Variants in SMYD3 observed in about 807,000 individuals in gnomAD.
SMYD3 encodes SET and MYND domain containing 3.
SMYD3 carries 36 observed loss-of-function variants against 57.7 expected under a neutral mutation model. The observed-to-expected ratio is 0.62, with a 90% CI of 0.48 to 0.82. The LOEUF (loss-of-function observed/expected upper bound fraction) is 0.82. Ranked by LOEUF, SMYD3 falls within the 40% of genes least tolerant of loss-of-function variation. The pLI, the probability that SMYD3 is intolerant of heterozygous loss-of-function variation, is 0.00. For synonymous variants in SMYD3, 211 were observed against 195.0 expected, an observed-to-expected ratio of 1.08 and a Z score of -0.68; for missense variants, 515 against 538.8, an observed-to-expected ratio of 0.96 and a Z score of 0.44.
intron 8 of SMYD3, among the ~76,000 whole-genome samples, chr1:245,871,208 T>G (rs1313397768): frequency 3.9e-5 from 6 of 152,230 alleles, no homozygotes; most frequent in Admixed American, 3.3e-4. Flanking sequence ...TTGGAAAGTC[T>G]TGAAATTAAA....
chr1:246,308,141 G>A (rs1240752648), intron 5 of SMYD3, among the ~76,000 whole-genome samples: 1 of 152,146 alleles, frequency 6.6e-6, no homozygotes, highest in Non-Finnish European at 1.5e-5. Context: ...TTTACAAAAA[G>A]AAGGCAGCAC....
chr1:245,908,796 T>C (rs1206958605), intron 8 of SMYD3, among the ~76,000 whole-genome samples: 2 of 152,140 alleles, frequency 1.3e-5, no homozygotes, highest in African/African-American at 2.4e-5. Context: ...TATCAAAATG[T>C]ATGGGTTACA....
intron 1 of SMYD3, among the ~76,000 whole-genome samples, chr1:246,472,853 C>A (rs989229994): frequency 9.7e-6 from 1 of 102,928 alleles, no homozygotes; most frequent in South Asian, 3.3e-4. Context: ...TCTCAAATTT[C>A]TTTTTTTTTT....
rs1453783238 is a variant in SMYD3, at chr1:246,203,185, C to G, written c.531+124016G>C. ...TTAAGAACTTTCTCCAGTTTCCTTCCCTGGTCCACAGCAAATCCCTCTGAC... is the reference window on the plus strand; with the variant it reads ...TTAAGAACTTTCTCCAGTTTCCTTCGCTGGTCCACAGCAAATCCCTCTGAC... On this transcript the variant is annotated intron_variant, in intron 5 of 11. Coordinates refer to ENST00000490107, the MANE Select transcript of SMYD3 (RefSeq NM_001167740.2). This position sits in a 1 kb window ranked among gnomAD's most constrained non-coding sequence, Gnocchi z 4.6. 6.6e-6 allele frequency among the ~76,000 whole-genome samples: 1 copy of G among 152,122 alleles called. No individual in the cohort carries two copies. Among genetic ancestry groups the G allele is most frequent in the Non-Finnish European group, 1.5e-5 (1 of 68,014 alleles).
intron 10 of SMYD3, among the ~76,000 whole-genome samples, chr1:245,839,735 A>C (rs997997351): frequency 2.0e-5 from 3 of 152,216 alleles, no homozygotes; most frequent in Non-Finnish European, 4.4e-5. Flanking sequence ...ATATGAACGG[A>C]CAACCAAGAA....
intron 1 of SMYD3, among the ~76,000 whole-genome samples, chr1:246,404,919 T>C (rs1558447963): frequency 6.6e-6 from 1 of 152,132 alleles, no homozygotes; most frequent in Non-Finnish European, 1.5e-5. Context: ...TCTTATTATA[T>C]TGACTCATAA....
chr1:246,015,064 C>T (rs1294212874), intron 5 of SMYD3, among the ~76,000 whole-genome samples: 1 of 152,124 alleles, frequency 6.6e-6, no homozygotes, highest in Non-Finnish European at 1.5e-5. Context: ...GTTCTTCAAG[C>T]CCACTGAATT....
chr1:246,168,913 C>A (rs1480482704), intron 5 of SMYD3, among the ~76,000 whole-genome samples: 1 of 152,188 alleles, frequency 6.6e-6, no homozygotes, highest in Admixed American at 6.5e-5. Context: ...CTATCCCATA[C>A]TTGAAAAACA....
At chr1:246,258,358 C>A (rs1018706904) in intron 5 of SMYD3, among the ~76,000 whole-genome samples, 1 of 152,126 alleles carries the variant, frequency 6.6e-6, no homozygotes, top group Admixed American at 6.6e-5. Context: ...TACAGCAATG[C>A]AAGAGCACAC....
At chr1:245,928,517 C>CA (rs35302405) in intron 6 of SMYD3, among the ~76,000 whole-genome samples, 125,480 of 151,410 alleles carry the variant, frequency 0.83, 52,774 homozygotes, top group Middle Eastern at 0.91. Flanking sequence ...ACTAAAAATA[C>CA]AAAAAAATTA....
intron 5 of SMYD3, among the ~76,000 whole-genome samples, chr1:246,288,471 C>T (rs986225835): frequency 6.6e-5 from 10 of 152,088 alleles, no homozygotes; most frequent in African/African-American, 2.2e-4. Context: ...CCTGAGCTTT[C>T]CTGTGACCCA....
rs114429250 is a variant in SMYD3 at position 245,960,800 on chromosome 1, C to T, written c.532-30863G>A. Among the ~76,000 whole-genome samples, 955 of 152,222 alleles carry T rather than the reference C, an allele frequency of 6.3e-3. 17 individuals are homozygous for T. Among genetic ancestry groups the T allele is most frequent in the African/African-American group, 0.022 (894 of 41,548 alleles). On this transcript the variant is annotated intron_variant, in intron 5 of 11. Transcript: ENST00000490107. ...TACTTTAATCCTGAATTTATAGAATCGTTACACATCTAGAGGAATTACTTA... is the reference window on the plus strand; with the variant it reads ...TACTTTAATCCTGAATTTATAGAATTGTTACACATCTAGAGGAATTACTTA...
At position 246,311,428 on chromosome 1, in the gene SMYD3, C is replaced by G. The variant is rs556031943; in HGVS notation, c.531+15773G>C. ...GATTAGCAAACTCATATAGATATCT[C>G]CAGGAAAGGATTTACAAAATGTCAT... On this transcript the variant is annotated intron_variant, in intron 5 of 11. Transcript: ENST00000490107. 7.2e-5 allele frequency among the ~76,000 whole-genome samples: 11 copies of G among 152,320 alleles called. No homozygotes were observed. The South Asian group carries it at 1.2e-3, about 17-fold the overall frequency.
chr1:246,107,179 C>T (rs1254138452), intron 5 of SMYD3, among the ~76,000 whole-genome samples: 2 of 149,574 alleles, frequency 1.3e-5, no homozygotes, highest in South Asian at 2.2e-4. Flanking sequence ...CCCAGCTACT[C>T]GGGAGGTTGA....
At chr1:246,487,509 A>G (rs1272210034) in intron 1 of SMYD3, among the ~76,000 whole-genome samples, 1 of 152,122 alleles carries the variant, frequency 6.6e-6, no homozygotes, top group African/African-American at 2.4e-5. Flanking sequence ...AAAAGATACA[A>G]TGTTCTGAGT....
chr1:245,824,725 G>A (rs1261713496), intron 10 of SMYD3, among the ~76,000 whole-genome samples: 11 of 152,104 alleles, frequency 7.2e-5, no homozygotes, highest in Admixed American at 6.5e-4. Context: ...GTGTGGTGGT[G>A]CATGCCTGTA....
intron 5 of SMYD3, among the ~76,000 whole-genome samples, chr1:246,180,302 GTATATATATAAACTACT>G (rs2062519412): frequency 1.4e-5 from 2 of 142,334 alleles, no homozygotes; most frequent in Middle Eastern, 3.8e-3. Flanking sequence ...ATATATATAA[GTATATATATAAACTACT>G]TATATATATA....
intron 5 of SMYD3, among the ~76,000 whole-genome samples, chr1:246,197,281 C>T (rs1414026342): frequency 1.3e-5 from 2 of 152,130 alleles, no homozygotes; most frequent in African/African-American, 2.4e-5. Flanking sequence ...TGCCTAGTGA[C>T]GTCCCTGTGA....
chr1:246,262,319 T>A (rs1369934005), intron 5 of SMYD3, among the ~76,000 whole-genome samples: 1 of 152,222 alleles, frequency 6.6e-6, no homozygotes, highest in African/African-American at 2.4e-5. Context: ...CGATTTTAAA[T>A]CTTGACATTG....
Sources: gnomAD v4.1 joint callset for allele counts (sites outside exome capture counted in the v4.1 genomes callset) on GRCh38, gnomAD v4.1.1 for gene constraint, Gnocchi (gnomAD v3.1) non-coding constraint, MANE v1.5 for transcripts, NCBI Gene and HGNC (gene_info 2026-07-23, HGNC 2026-07-21) for gene names.